The following PCDHGA2 variants were observed in gnomAD, a reference collection of about 807,000 sequenced individuals.
PCDHGA2 encodes the protein protocadherin gamma subfamily A, 2.
In PCDHGA2, 40 loss-of-function variants were observed where a neutral mutation model predicts 59.2. The observed-to-expected ratio is 0.68, with a 90% confidence interval of 0.52 to 0.88. PCDHGA2 has a LOEUF of 0.88. Among genes scored for constraint, PCDHGA2 ranks in the 40% least tolerant of loss-of-function variants. PCDHGA2 has a pLI of 0.00. For missense variants in PCDHGA2, 1,226 were observed against 1,204.0 expected (o/e 1.02, Z -0.27); for synonymous variants, 560 against 526.0 (o/e 1.06, Z -0.89).
At chr5:141,483,076 C>A (rs964178941) in intron 1 of PCDHGA2, among the ~76,000 whole-genome samples, 8 of 152,044 alleles carry the variant, frequency 5.3e-5, no homozygotes, top group Non-Finnish European at 8.8e-5. Context: ...CAGAGAGAGA[C>A]TCCATCTCAA....
intron 1 of PCDHGA2, among the ~76,000 whole-genome samples, chr5:141,379,889 CTTTTTTTTTTTTTTTTTT>C (rs70988800): frequency 3.9e-5 from 2 of 50,830 alleles, no homozygotes; most frequent in African/African-American, 6.6e-5. Context: ...GTGAAAGCCT[CTTTTTTTTTTTTTTTTTT>C]TTTTTTTTTT....
chr5:141,484,922 GC>G (rs869160673), intron 1 of PCDHGA2: 1 of 481,378 alleles, frequency 2.1e-6, no homozygotes, highest in South Asian at 2.8e-5. Context: ...TAACCCTGCT[GC>G]TGTTGGGACG....
At chr5:141,395,309 CATT>C in intron 1 of PCDHGA2, 1 of 1,506,030 alleles carries the variant, frequency 6.6e-7, no homozygotes, top group Non-Finnish European at 8.9e-7. Flanking sequence ...TTTTGAAAAA[CATT>C]GTGAAGATAG....
intron 1 of PCDHGA2, chr5:141,412,306 A>G (rs1160364599): frequency 1.3e-5 from 2 of 152,238 alleles, no homozygotes; most frequent in Non-Finnish European, 2.9e-5. Flanking sequence ...TCTCATTACA[A>G]TGCAAACAGT....
Position 141,399,638 on chromosome 5 carries a change from G to A in PCDHGA2, c.2424+58243G>A, listed in dbSNP as rs1180030777. The A allele has an allele frequency of 3.7e-6, 6 of 1,613,860 alleles. No individual in the cohort carries two copies. The highest frequency in any genetic ancestry group is 1.3e-5 in the African/African-American group (1 of 75,082). ...GCACTGGCCTCTTACGTGTCCATGAGCGCGCAAAGTGGGGTGGTGTTCGCG... is the reference window on the plus strand; with the variant it reads ...GCACTGGCCTCTTACGTGTCCATGAACGCGCAAAGTGGGGTGGTGTTCGCG... On this transcript the variant is annotated intron_variant, in intron 1 of 3. Coordinates refer to ENST00000394576, the MANE Select transcript of PCDHGA2 (RefSeq NM_018915.4).
chr5:141,490,249 C>T lies in PCDHGA2; in HGVS notation c.2425-4558C>T, dbSNP rs2099697737. On this transcript the variant is annotated intron_variant, in intron 1 of 3. Coordinates refer to ENST00000394576, the MANE Select transcript of PCDHGA2 (RefSeq NM_018915.4). The surrounding 1 kb of genome is among the most constrained non-coding windows in gnomAD (Gnocchi z 5.4). ...TGCCATGGAGGGCCACTGTGTGATT[C>T]AAGTGGATGTGGGGGATGTCAATGA... The T allele has an allele frequency of 1.2e-6, 2 of 1,614,218 alleles. No individual in the cohort carries two copies. The highest frequency in any genetic ancestry group is 1.7e-6 in the Non-Finnish European group (2 of 1,180,044).
At position 141,490,376 on chromosome 5, in the gene PCDHGA2, CA is replaced by C; in HGVS notation, c.2425-4430del. 1 of 1,614,184 alleles carries C rather than the reference CA, an allele frequency of 6.2e-7. No individual in the cohort carries two copies. Among genetic ancestry groups the C allele is most frequent in the African/African-American group, 1.3e-5 (1 of 75,030 alleles). On this transcript the variant is annotated intron_variant, in intron 1 of 3. Coordinates refer to ENST00000394576, the MANE Select transcript of PCDHGA2 (RefSeq NM_018915.4). This position sits in a 1 kb window ranked among gnomAD's most constrained non-coding sequence, Gnocchi z 5.4. ...TTGTTTAATGTGCGAGACCGGGACTCAGGTAGAAATGGTGAAGTGAGCCTTG... is the reference window on the plus strand; with the variant it reads ...TTGTTTAATGTGCGAGACCGGGACTCGGTAGAAATGGTGAAGTGAGCCTTG...
At chr5:141,456,912 G>A (rs566842808) in intron 1 of PCDHGA2, among the ~76,000 whole-genome samples, 2 of 152,206 alleles carry the variant, frequency 1.3e-5, no homozygotes, top group South Asian at 2.1e-4. Context: ...GCAGTGAGCC[G>A]AGATCGCACC....
chr5:141,440,035 C>T, intron 1 of PCDHGA2: 1 of 153,140 alleles, frequency 6.5e-6, no homozygotes, highest in East Asian at 1.9e-4. Flanking sequence ...GTGTCGAGGA[C>T]ATGCCCACTT....
chr5:141,391,359 C>T (rs2092363338), intron 1 of PCDHGA2: 1 of 149,724 alleles, frequency 6.7e-6, no homozygotes, highest in African/African-American at 2.5e-5. Flanking sequence ...GTTACTCAGG[C>T]TGTAGTGCAG....
At chr5:141,351,265 C>G (rs748596533) in intron 1 of PCDHGA2, 62 of 1,613,778 alleles carry the variant, frequency 3.8e-5, no homozygotes, top group Non-Finnish European at 5.1e-5. Flanking sequence ...AAATTGTTGA[C>G]GAGAATGACA....
At chr5:141,358,500 A>G (rs747831843) in intron 1 of PCDHGA2, among the ~76,000 whole-genome samples, 1 of 152,180 alleles carries the variant, frequency 6.6e-6, no homozygotes, top group African/African-American at 2.4e-5. Context: ...CTTTAACAGG[A>G]TATTTTCTCA....
chr5:141,474,412 C>T (rs1282336092), intron 1 of PCDHGA2, among the ~76,000 whole-genome samples: 2 of 152,220 alleles, frequency 1.3e-5, no homozygotes, highest in African/African-American at 2.4e-5. Context: ...CCGGTGATGC[C>T]TAGACCATTG....
chr5:141,409,513 C>G (rs2095276446), intron 1 of PCDHGA2: 1 of 1,614,030 alleles, frequency 6.2e-7, no homozygotes, highest in South Asian at 1.1e-5. Flanking sequence ...CCAGTAGAAG[C>G]ATCACCTTGT....
intron 3 of PCDHGA2, among the ~76,000 whole-genome samples, chr5:141,509,211 C>T (rs962706371): frequency 2.0e-5 from 3 of 152,180 alleles, no homozygotes; most frequent in African/African-American, 4.8e-5. Context: ...CTCTCTATTT[C>T]TCAATCCCTG....
intron 1 of PCDHGA2, among the ~76,000 whole-genome samples, chr5:141,368,946 T>A (rs1330631003): frequency 6.6e-6 from 1 of 152,202 alleles, no homozygotes. Flanking sequence ...CTGGTTACTG[T>A]GAGTAGTTTA....
In PCDHGA2 at chr5:141,431,339, T is replaced by A. The variant is rs1374646530; in HGVS notation, c.2425-63468T>A. 7.4e-6 allele frequency: 12 copies of A among 1,613,942 alleles called. No homozygotes were observed. In the Admixed American group the frequency reaches 1.2e-4, roughly 16 times the overall value. ...AGCCGACGGTAGTAAGTACCCCGAA[T>A]TGGTGCTGAAACGCGCCCTGGACCG... On this transcript the variant is annotated intron_variant, in intron 1 of 3. Coordinates refer to ENST00000394576, the MANE Select transcript of PCDHGA2 (RefSeq NM_018915.4). This position sits in a 1 kb window ranked among gnomAD's most constrained non-coding sequence, Gnocchi z 4.8.
chr5:141,482,472 CTG>C (rs2099561247), intron 1 of PCDHGA2, among the ~76,000 whole-genome samples: 2 of 136,856 alleles, frequency 1.5e-5, no homozygotes, highest in Non-Finnish European at 3.0e-5. Context: ...GTGCCAGACA[CTG>C]TAAACAATTA....
chr5:141,409,178 G>C, intron 1 of PCDHGA2: 1 of 1,613,994 alleles, frequency 6.2e-7, no homozygotes, highest in Non-Finnish European at 8.5e-7. Context: ...GGACGGAGGT[G>C]GTCTCTCTAC....
Sources: allele counts gnomAD v4.1 joint callset (sites outside exome capture counted in the v4.1 genomes callset), GRCh38; gene constraint gnomAD v4.1.1; non-coding constraint Gnocchi (gnomAD v3.1); transcripts MANE v1.5; gene names NCBI Gene and HGNC (gene_info 2026-07-23, HGNC 2026-07-21).